Variants in MGRN1 observed in about 807,000 individuals in gnomAD.
The protein encoded by MGRN1 is mahogunin ring finger 1.
A neutral mutation model predicts 69.2 loss-of-function variants in MGRN1; 29 were observed. The observed-to-expected ratio is 0.42, with a 90% CI of 0.31 to 0.57. The LOEUF is 0.57. Among genes scored for constraint, MGRN1 ranks in the 20% least tolerant of loss-of-function variants. The pLI is 0.15. For synonymous variants in MGRN1, 470 were observed against 344.2 expected (o/e 1.37, Z -4.04); for missense variants, 998 against 796.2 (o/e 1.25, Z -3.05).
At chr16:4,632,543 G>A (rs966612503) in intron 1 of MGRN1, among the ~76,000 whole-genome samples, 23 of 152,038 alleles carry the variant, frequency 1.5e-4, no homozygotes, top group East Asian at 3.9e-4. Context: ...ACAGGCACCC[G>A]CCACTACGTC....
intron 16 of MGRN1, chr16:4,687,354 G>A (rs1365902580): frequency 1.0e-6 from 1 of 958,758 alleles, no homozygotes; most frequent in Non-Finnish European, 1.2e-6. Flanking sequence ...TTCAAGATCA[G>A]TGTAGAAAAC....
chr16:4,681,499 G>T (rs755950662), intron 12 of MGRN1, 51 bp from the exon 13 acceptor site: 9 of 1,536,904 alleles, frequency 5.9e-6, no homozygotes, highest in Non-Finnish European at 2.7e-6. Flanking sequence ...GAGCGTCTGG[G>T]GAGCAGGTGG....
At chr16:4,639,988 T>C (rs2078122051) in intron 1 of MGRN1, 1 of 152,326 alleles carries the variant, frequency 6.6e-6, no homozygotes, top group African/African-American at 2.4e-5. Flanking sequence ...TGAGTCCGTC[T>C]GTGCACTCAG....
At chr16:4,658,759 C>T (rs761638430) in intron 5 of MGRN1, 3 of 152,066 alleles carry the variant, frequency 2.0e-5, no homozygotes, top group Non-Finnish European at 4.4e-5. Context: ...AATCCCAGCA[C>T]TTCGGGAGGC....
At chr16:4,627,600 A>C (rs1897746675) in intron 1 of MGRN1, among the ~76,000 whole-genome samples, 1 of 151,792 alleles carries the variant, frequency 6.6e-6, no homozygotes. Flanking sequence ...ATCCTGGCTA[A>C]CACGGGGAAA....
At chr16:4,679,076 C>T (rs529415034) in intron 11 of MGRN1, among the ~76,000 whole-genome samples, 5 of 152,320 alleles carry the variant, frequency 3.3e-5, no homozygotes, top group South Asian at 4.1e-4. Context: ...CCCCTACCAT[C>T]GTGGGGCTCC....
intron 1 of MGRN1, among the ~76,000 whole-genome samples, chr16:4,637,394 C>T (rs986948865): frequency 6.6e-6 from 1 of 151,976 alleles, no homozygotes; most frequent in Admixed American, 6.6e-5. Flanking sequence ...CGCGCCATTG[C>T]ACTCCAGCCT....
At chr16:4,663,259 T>A (rs2078722821) in intron 5 of MGRN1, among the ~76,000 whole-genome samples, 1 of 151,984 alleles carries the variant, frequency 6.6e-6, no homozygotes, top group South Asian at 2.1e-4. Flanking sequence ...AGACAGGGTT[T>A]CACCATATTG....
At chr16:4,669,449 G>A (rs1397825675) in intron 8 of MGRN1, among the ~76,000 whole-genome samples, 27 of 70,460 alleles carry the variant, frequency 3.8e-4, no homozygotes, top group East Asian at 7.5e-4. Context: ...AAAAAAAAAA[G>A]CTGTGCAACA....
At position 4,681,706 on chromosome 16, in the gene MGRN1, C is replaced by T. The variant is rs1367458058; in HGVS notation, c.1288C>T (p.Leu430Phe). 2 of 1,613,346 alleles carry T rather than the reference C, an allele frequency of 1.2e-6. No individual in the cohort carries two copies. The highest frequency in any genetic ancestry group is 1.1e-5 in the South Asian group (1 of 91,084). The part of the protein sequence containing the change: ...SDGLSQASCP[L>F]AAIDHILDSS... ...CGGCCTGTCCCAGGCCAGCTGTCCC[C>T]TCGCGGCTATCGACCACATCCTGGA... is the stretch of plus-strand genomic sequence containing the variant. The change falls in exon 13 of 17, where the codon CTC (leucine) becomes TTC (phenylalanine). Residue 430 changes from leucine (L) to phenylalanine (F), a missense_variant. Transcript: ENST00000262370.
chr16:4,643,203 A>G (rs1567180746), intron 1 of MGRN1, among the ~76,000 whole-genome samples: 1 of 150,600 alleles, frequency 6.6e-6, no homozygotes, highest in Non-Finnish European at 1.5e-5. Flanking sequence ...CTTGTGATCC[A>G]CTCCTCTCGG....
intron 4 of MGRN1, among the ~76,000 whole-genome samples, chr16:4,654,638 G>A (rs1013132605): frequency 1.3e-5 from 2 of 152,254 alleles, no homozygotes; most frequent in Non-Finnish European, 2.9e-5. Flanking sequence ...GTGGCTTGGG[G>A]GCACATGACT....
chr16:4,650,131 C>A (rs149070114), intron 1 of MGRN1: 1 of 396,536 alleles, frequency 2.5e-6, no homozygotes, highest in Non-Finnish European at 4.6e-6. Context: ...GGTGAAACCC[C>A]GTCTCCACTA....
intron 13 of MGRN1, among the ~76,000 whole-genome samples, chr16:4,682,465 C>G (rs1312089776): frequency 1.3e-5 from 2 of 152,210 alleles, no homozygotes; most frequent in Admixed American, 6.5e-5. Flanking sequence ...TGGGCACCCT[C>G]CATGCCCACG....
At chr16:4,680,380 A>G in intron 12 of MGRN1, 1 of 426,996 alleles carries the variant, frequency 2.3e-6, no homozygotes, top group Non-Finnish European at 4.3e-6. Flanking sequence ...TCTTGCTGGC[A>G]GTGGAATGGA....
chr16:4,643,759 G>A (rs143837691), intron 1 of MGRN1, among the ~76,000 whole-genome samples: 9 of 152,260 alleles, frequency 5.9e-5, no homozygotes, highest in Non-Finnish European at 1.0e-4. Flanking sequence ...TACATCATAA[G>A]CTGTGAGTTT....
At chr16:4,642,502 T>G (rs571831181) in intron 1 of MGRN1, among the ~76,000 whole-genome samples, 35 of 127,736 alleles carry the variant, frequency 2.7e-4, no homozygotes, top group East Asian at 1.6e-3. Context: ...GTGTGTGTGT[T>G]TTTAGTAGAG....
In MGRN1 at chr16:4,642,466, T is replaced by TTGTGTGTGTGTGTGTGTGTGTG. The variant is rs143119735; in HGVS notation, c.89-7885_89-7864dup. ...GCATGCACCACCACGGCCAGCTAAT[T>TTGTGTGTGTGTGTGTGTGTGTG]TGTGTGTGTGTGTGTGTGTGTGTGT... On this transcript the variant is annotated intron_variant, in intron 1 of 16. Transcript: ENST00000262370. 2.4e-3 allele frequency among the ~76,000 whole-genome samples: 340 copies of TTGTGTGTGTGTGTGTGTGTGTG among 141,800 alleles called. 2 individuals carry two copies. The highest frequency in any genetic ancestry group is 8.3e-3 in the African/African-American group (310 of 37,480). The allele number at this position is 141,800 out of a possible 152,430, so 93.0% of individuals were successfully genotyped here.
chr16:4,643,555 G>A (rs989187861), intron 1 of MGRN1, among the ~76,000 whole-genome samples: 1 of 151,742 alleles, frequency 6.6e-6, no homozygotes, highest in South Asian at 2.1e-4. Context: ...GTATTTTTTA[G>A]TAGAGACGGG....
Sources: allele counts gnomAD v4.1 joint callset (sites outside exome capture counted in the v4.1 genomes callset), GRCh38; gene constraint gnomAD v4.1.1; transcripts MANE v1.5; gene names NCBI Gene and HGNC (gene_info 2026-07-23, HGNC 2026-07-21).